The following BTBD8 variants were observed in gnomAD, a reference collection of about 807,000 sequenced individuals.
The protein encoded by BTBD8 is BTB domain containing 8, also known as BTB/POZ domain-containing protein 8.
A neutral mutation model predicts 162.9 loss-of-function variants in BTBD8; 110 were observed. The observed-to-expected ratio is 0.68, with a 90% CI of 0.58 to 0.79. The LOEUF (loss-of-function observed/expected upper bound fraction) is 0.79. Ranked by LOEUF, BTBD8 falls within the 30% of genes least tolerant of loss-of-function variation. The pLI is 0.00. For missense variants in BTBD8, 1,905 were observed against 2,085.4 expected (o/e 0.91, Z 1.68); for synonymous variants, 667 against 716.1 (o/e 0.93, Z 1.10).
rs767189493 is a variant in BTBD8, at chr1:92,157,327, G to A, written c.1122+9541G>A. 3.9e-5 allele frequency among the ~76,000 whole-genome samples: 6 copies of A among 152,098 alleles called. No homozygotes were observed. The South Asian group carries it at 1.0e-3, about 26-fold the overall frequency. On this transcript the variant is annotated intron_variant, in intron 9 of 17. Transcript: ENST00000636805. ...TTTTGTTAAGACTTATTTTGTGACCGAACATGATAGATTCTGGAGAACATT... is the reference window on the plus strand; with the variant it reads ...TTTTGTTAAGACTTATTTTGTGACCAAACATGATAGATTCTGGAGAACATT...
intron 5 of BTBD8, among the ~76,000 whole-genome samples, chr1:92,137,294 C>T (rs1649657508): frequency 6.6e-6 from 1 of 152,120 alleles, no homozygotes; most frequent in African/African-American, 2.4e-5. Context: ...TTAGCAAAGT[C>T]ACCCTAATAG....
Position 92,098,551 on chromosome 1 carries a change from A to G in BTBD8, c.348-3922A>G, listed in dbSNP as rs538951502. On this transcript the variant is annotated intron_variant, in intron 2 of 17. Transcript: ENST00000636805. ...TACCACCAGCATGTACAAAATTTCCAATTTCTCCATATTCTCAACATGTTA... is the reference window on the plus strand; with the variant it reads ...TACCACCAGCATGTACAAAATTTCCGATTTCTCCATATTCTCAACATGTTA... Among the ~76,000 whole-genome samples, 345 of 152,222 alleles carry G rather than the reference A, an allele frequency of 2.3e-3. 3 individuals carry two copies. Among genetic ancestry groups the G allele is most frequent in the Middle Eastern group, 0.01 (3 of 294 alleles).
intron 4 of BTBD8, among the ~76,000 whole-genome samples, chr1:92,119,691 A>T (rs561026912): frequency 6.8e-6 from 1 of 147,964 alleles, no homozygotes; most frequent in Admixed American, 6.8e-5. Flanking sequence ...CAGTGGCGCG[A>T]TCTCGGCTCA....
rs372257616 is a variant in BTBD8 at position 92,107,490 on chromosome 1, G to A, written c.545-394G>A. On this transcript the variant is annotated intron_variant, in intron 3 of 17. Transcript: ENST00000636805. ...AACACTATTCATTGCAGTAACATGC[G>A]GTACTGGTTTATAGCCTAGGAACAA... Among the ~76,000 whole-genome samples, 17 of 152,138 alleles carry A rather than the reference G, an allele frequency of 1.1e-4. No individual in the cohort carries two copies. The East Asian group carries it at 1.2e-3, about 10-fold the overall frequency.
At chr1:92,103,956 G>C (rs1225172178) in intron 3 of BTBD8, among the ~76,000 whole-genome samples, 1 of 152,198 alleles carries the variant, frequency 6.6e-6, no homozygotes, top group Non-Finnish European at 1.5e-5. Context: ...TATAAAACCA[G>C]ATATAGATGG....
intron 4 of BTBD8, among the ~76,000 whole-genome samples, chr1:92,111,852 C>G (rs1570724485): frequency 6.6e-6 from 1 of 152,178 alleles, no homozygotes; most frequent in East Asian, 1.9e-4. Context: ...AAACTATGGC[C>G]TAAATGTGGT....
intron 9 of BTBD8, among the ~76,000 whole-genome samples, chr1:92,166,424 C>CTTT (rs35849731): frequency 1.2e-4 from 14 of 120,410 alleles, no homozygotes; most frequent in Non-Finnish European, 1.3e-4. Flanking sequence ...TCTTTTCTTT[C>CTTT]TTTTTTTTTT....
chr1:92,110,628 C>T (rs1162278808), intron 4 of BTBD8, among the ~76,000 whole-genome samples: 7 of 152,160 alleles, frequency 4.6e-5, no homozygotes, highest in East Asian at 1.9e-4. Context: ...CTGCAAGCTC[C>T]GCCTCCCGGG....
chr1:92,184,564 C>T lies in BTBD8; in HGVS notation c.*234C>T, dbSNP rs1651029070. On this transcript the variant is annotated 3_prime_UTR_variant, in exon 18 of 18. Transcript: ENST00000636805. ...AGAAATTAGAAGACTTATAAGGAAA[C>T]CCTAGCTTCAGTTTTCCTTTCCTAG... The T allele has an allele frequency of 3.0e-6, 1 of 336,450 alleles. No homozygotes were observed. The highest frequency in any genetic ancestry group is 5.4e-6 in the Non-Finnish European group (1 of 185,900). 20.8% of individuals were successfully genotyped at this position (336,450 alleles called of 1,614,324 possible). A position where few individuals can be genotyped will look rare whatever the true frequency, so the allele number is the denominator to read the frequency against.
chr1:92,173,924 G>A (rs1650629625), intron 13 of BTBD8, among the ~76,000 whole-genome samples: 1 of 152,094 alleles, frequency 6.6e-6, no homozygotes, highest in African/African-American at 2.4e-5. Flanking sequence ...ATAAGACAGG[G>A]AAAGAGGTTT....
At chr1:92,127,572 G>A (rs1483854329) in intron 4 of BTBD8, among the ~76,000 whole-genome samples, 1 of 151,804 alleles carries the variant, frequency 6.6e-6, no homozygotes, top group African/African-American at 2.4e-5. Flanking sequence ...TTGTTTGTTT[G>A]TTTGTTTGTT....
intron 9 of BTBD8, among the ~76,000 whole-genome samples, chr1:92,152,850 A>G (rs1650074639): frequency 1.3e-5 from 2 of 152,180 alleles, no homozygotes; most frequent in Admixed American, 1.3e-4. Flanking sequence ...GAACAGCCAA[A>G]CATCCAGTCT....
intron 14 of BTBD8, 82 bp downstream of exon 14, chr1:92,177,628 G>A (rs896820957): frequency 9.9e-7 from 1 of 1,011,612 alleles, no homozygotes; most frequent in African/African-American, 1.6e-5. Context: ...CTGTATTTGG[G>A]CTTTTATTTA....
chr1:92,156,304 C>T (rs1190389976), intron 9 of BTBD8, among the ~76,000 whole-genome samples: 1 of 152,112 alleles, frequency 6.6e-6, no homozygotes, highest in Admixed American at 6.5e-5. Context: ...TTATAATGTA[C>T]TGTTGAATTC....
At chr1:92,103,663 T>C (rs985245230) in intron 3 of BTBD8, among the ~76,000 whole-genome samples, 1 of 152,130 alleles carries the variant, frequency 6.6e-6, no homozygotes, top group Non-Finnish European at 1.5e-5. Flanking sequence ...TTCTCCTCTC[T>C]AGAGACAGAA....
intron 1 of BTBD8, among the ~76,000 whole-genome samples, chr1:92,084,423 G>T (rs557179283): frequency 6.6e-6 from 1 of 152,270 alleles, no homozygotes; most frequent in South Asian, 2.1e-4. Flanking sequence ...TTCGTTCCTT[G>T]TCTGTGAGGA....
intron 10 of BTBD8, 108 bp downstream of exon 10, chr1:92,167,248 T>G (rs1346080441): frequency 1.5e-6 from 2 of 1,321,920 alleles, no homozygotes; most frequent in Non-Finnish European, 2.1e-6. Context: ...TAATGTGATT[T>G]AAATAAACTC....
At chr1:92,117,811 G>T (rs2101916465) in intron 4 of BTBD8, among the ~76,000 whole-genome samples, 1 of 152,084 alleles carries the variant, frequency 6.6e-6, no homozygotes, top group South Asian at 2.1e-4. Context: ...ACTAGAAACT[G>T]CTTCTAGGAA....
At chr1:92,176,807 G>T in intron 13 of BTBD8, 22 bp from the exon 14 acceptor site, 2 of 1,140,530 alleles carry the variant, frequency 1.8e-6, no homozygotes. Flanking sequence ...AAATTACAAA[G>T]TATTTTTTTT....
Sources: gnomAD v4.1 joint callset for allele counts (sites outside exome capture counted in the v4.1 genomes callset) on GRCh38, gnomAD v4.1.1 for gene constraint, MANE v1.5 for transcripts, NCBI Gene and HGNC (gene_info 2026-07-23, HGNC 2026-07-21) for gene names.